The following RAB30 variants were observed in gnomAD, a reference collection of about 807,000 sequenced individuals.
RAB30 encodes the protein RAB30, member RAS oncogene family, also known as ras-related protein Rab-30.
A neutral mutation model predicts 25.1 loss-of-function variants in RAB30; 9 were observed. The observed-to-expected ratio is 0.36, with a 90% CI of 0.22 to 0.63. The LOEUF is 0.63. Among genes scored for constraint, RAB30 ranks in the 20% least tolerant of loss-of-function variants. The pLI is 0.69. For missense variants in RAB30, 140 were observed against 243.5 expected, an observed-to-expected ratio of 0.58 and a Z score of 2.83; for synonymous variants, 77 against 86.4, an observed-to-expected ratio of 0.89 and a Z score of 0.60.
chr11:83,026,427 C>T (rs980366327), intron 1 of RAB30, among the ~76,000 whole-genome samples: 3 of 152,156 alleles, frequency 2.0e-5, no homozygotes, highest in African/African-American at 4.8e-5. Context: ...ATTCTGGCTC[C>T]GGTAGTTCAT....
intron 4 of RAB30, among the ~76,000 whole-genome samples, chr11:82,983,069 C>T (rs573869988): frequency 8.0e-5 from 12 of 149,902 alleles, no homozygotes; most frequent in Admixed American, 2.0e-4. Context: ...AAAAAAAAAG[C>T]GAAGCAGAAA....
At chr11:83,014,675 AAAGAAAG>A (rs1329836826) in intron 1 of RAB30, among the ~76,000 whole-genome samples, 1 of 149,714 alleles carries the variant, frequency 6.7e-6, no homozygotes, top group Non-Finnish European at 1.5e-5. Flanking sequence ...AGAAAGAAAG[AAAGAAAG>A]AAAGAAAGAA....
At chr11:83,054,302 G>A (rs561158391) in intron 1 of RAB30, among the ~76,000 whole-genome samples, 5 of 152,168 alleles carry the variant, frequency 3.3e-5, no homozygotes, top group East Asian at 1.9e-4. Flanking sequence ...TCTCTTTTAC[G>A]TCTCTTTCTT....
chr11:83,065,009 C>T (rs903465985), intron 1 of RAB30, among the ~76,000 whole-genome samples: 2 of 151,966 alleles, frequency 1.3e-5, no homozygotes, highest in African/African-American at 2.4e-5. Context: ...GTCTTTCATG[C>T]GTGACATTTT....
intron 1 of RAB30, among the ~76,000 whole-genome samples, chr11:83,025,452 A>C (rs1857687837): frequency 1.3e-5 from 2 of 152,250 alleles, no homozygotes; most frequent in Admixed American, 6.5e-5. Flanking sequence ...GCATAACAAC[A>C]AGCCCTCAGG....
chr11:83,070,426 C>G (rs955002922), intron 1 of RAB30, among the ~76,000 whole-genome samples: 11 of 152,200 alleles, frequency 7.2e-5, no homozygotes, highest in Non-Finnish European at 1.2e-4. Context: ...CAGAAGACAG[C>G]CAGTAAAGAA....
At chr11:83,018,168 A>G (rs111354983) in intron 1 of RAB30, among the ~76,000 whole-genome samples, 2,757 of 152,202 alleles carry the variant, frequency 0.018, 70 homozygotes, top group African/African-American at 0.056. Context: ...GCATGGTGGC[A>G]TGCGCCTGTA....
At chr11:83,022,006 T>A (rs1291075127) in intron 1 of RAB30, among the ~76,000 whole-genome samples, 1 of 152,206 alleles carries the variant, frequency 6.6e-6, no homozygotes. Context: ...CAATGCATCA[T>A]AGGCACTTAA....
chr11:83,040,053 G>A (rs1590869909), intron 1 of RAB30, among the ~76,000 whole-genome samples: 1 of 152,134 alleles, frequency 6.6e-6, no homozygotes, highest in South Asian at 2.1e-4. Context: ...GGAGCCAAAA[G>A]AAAAGGAAAA....
intron 1 of RAB30, chr11:83,038,866 A>T (rs993239183): frequency 4.6e-5 from 7 of 152,020 alleles, no homozygotes; most frequent in African/African-American, 1.7e-4. Flanking sequence ...AATAGCTAAC[A>T]TCTATTACTA....
chr11:82,998,799 G>T (rs1857015338), intron 1 of RAB30, among the ~76,000 whole-genome samples: 2 of 152,118 alleles, frequency 1.3e-5, no homozygotes, highest in South Asian at 4.1e-4. Flanking sequence ...AGACCCAATA[G>T]ACTCTGGAGA....
At chr11:83,065,702 C>T (rs1858679593) in intron 1 of RAB30, among the ~76,000 whole-genome samples, 1 of 152,112 alleles carries the variant, frequency 6.6e-6, no homozygotes, top group Non-Finnish European at 1.5e-5. Context: ...ACAAGCACCA[C>T]CCAATAAATA....
intron 1 of RAB30, among the ~76,000 whole-genome samples, chr11:83,031,656 T>C (rs1304577420): frequency 6.6e-6 from 1 of 151,792 alleles, no homozygotes; most frequent in African/African-American, 2.4e-5. Flanking sequence ...GCCTCCAGAG[T>C]AGCTGGGATT....
In RAB30 at chr11:83,014,670, G is replaced by GAAAGAA. The variant is rs1555035158; in HGVS notation, c.-8-17352_-8-17347dup. On this transcript the variant is annotated intron_variant, in intron 1 of 4. Transcript: ENST00000527633. ...AGAAAGAAAGAAAGAAAGAAAGAAA[G>GAAAGAA]AAAGAAAGAAAGAAAGAAAGAAAGA... 2.1e-5 allele frequency among the ~76,000 whole-genome samples: 3 copies of GAAAGAA among 145,684 alleles called. No homozygotes were observed. The East Asian group carries it at 6.0e-4, about 29-fold the overall frequency.
chr11:83,065,086 T>C (rs1183494836), intron 1 of RAB30, among the ~76,000 whole-genome samples: 1 of 152,192 alleles, frequency 6.6e-6, no homozygotes, highest in Non-Finnish European at 1.5e-5. Flanking sequence ...TATTTATTTA[T>C]GGTTAGATTT....
At chr11:83,010,655 A>G (rs575798780) in intron 1 of RAB30, among the ~76,000 whole-genome samples, 1 of 152,314 alleles carries the variant, frequency 6.6e-6, no homozygotes, top group Non-Finnish European at 1.5e-5. Context: ...TCCACATTCA[A>G]TGGGCTCTTC....
chr11:83,047,405 T>C (rs1355371331), intron 1 of RAB30, among the ~76,000 whole-genome samples: 1 of 152,232 alleles, frequency 6.6e-6, no homozygotes, highest in African/African-American at 2.4e-5. Flanking sequence ...ATCATCTTAA[T>C]AGCCATGGAC....
chr11:83,001,112 G>A (rs1857074172), intron 1 of RAB30, among the ~76,000 whole-genome samples: 1 of 150,826 alleles, frequency 6.6e-6, no homozygotes, highest in Non-Finnish European at 1.5e-5. Flanking sequence ...GTTACCACCT[G>A]GAGCAAGCTA....
intron 1 of RAB30, among the ~76,000 whole-genome samples, chr11:83,046,650 T>C (rs555879702): frequency 7.2e-5 from 11 of 152,180 alleles, no homozygotes; most frequent in Admixed American, 7.2e-4. Flanking sequence ...TGTACCACCA[T>C]ACCCAGCTAA....
Sources: gnomAD v4.1 joint callset for allele counts (sites outside exome capture counted in the v4.1 genomes callset) on GRCh38, gnomAD v4.1.1 for gene constraint, MANE v1.5 for transcripts, NCBI Gene and HGNC (gene_info 2026-07-23, HGNC 2026-07-21) for gene names.